Variants in TCERG1L observed in about 807,000 individuals in gnomAD.
TCERG1L encodes the protein transcription elongation regulator 1-like protein.
TCERG1L carries 37 observed loss-of-function variants against 56.3 expected under a neutral mutation model. The observed-to-expected ratio is 0.66, with a 90% CI of 0.51 to 0.87. The LOEUF (loss-of-function observed/expected upper bound fraction) is 0.87. TCERG1L is among the 40% of genes least tolerant of loss of function. The pLI is 0.00. For synonymous variants in TCERG1L, 324 were observed against 326.3 expected, an observed-to-expected ratio of 0.99 and a Z score of 0.08; for missense variants, 799 against 774.2, an observed-to-expected ratio of 1.03 and a Z score of -0.38.
At chr10:131,310,794 T>G (rs1252490540) in intron 1 of TCERG1L, among the ~76,000 whole-genome samples, 9 of 152,220 alleles carry the variant, frequency 5.9e-5, no homozygotes. Flanking sequence ...GGAATTCTCT[T>G]AAGCATTGCC....
intron 8 of TCERG1L, among the ~76,000 whole-genome samples, chr10:131,134,059 C>T (rs1845648263): frequency 6.6e-6 from 1 of 152,216 alleles, no homozygotes. Context: ...CAGCACATGG[C>T]ACCTCCTATG....
chr10:131,265,063 C>A (rs886177931), intron 3 of TCERG1L, among the ~76,000 whole-genome samples: 1 of 152,092 alleles, frequency 6.6e-6, no homozygotes, highest in Non-Finnish European at 1.5e-5. Flanking sequence ...GAGAAGCCAC[C>A]GAGTCCATTT....
At chr10:131,119,632 A>G (rs1845494125) in intron 8 of TCERG1L, among the ~76,000 whole-genome samples, 1 of 152,230 alleles carries the variant, frequency 6.6e-6, no homozygotes, top group Non-Finnish European at 1.5e-5. Flanking sequence ...ACGCCTTCCA[A>G]ATGGCTATCC....
At chr10:131,148,673 A>AGGCTGGAGAAAAGAATCACG (rs1845829690) in intron 6 of TCERG1L, among the ~76,000 whole-genome samples, 1 of 151,792 alleles carries the variant, frequency 6.6e-6, no homozygotes, top group Non-Finnish European at 1.5e-5. Context: ...CCTGGCCTTG[A>AGGCTGGAGAAAAGAATCACG]GGCTGGAGAA....
intron 9 of TCERG1L, among the ~76,000 whole-genome samples, chr10:131,116,479 A>T (rs970848942): frequency 6.6e-6 from 1 of 152,088 alleles, no homozygotes; most frequent in Non-Finnish European, 1.5e-5. Context: ...GAAACCACAA[A>T]GGCACCTTTC....
At position 131,103,168 on chromosome 10, in the gene TCERG1L, G is replaced by A. The variant is rs1357372096; in HGVS notation, c.1485+1097C>T. On this transcript the variant is annotated intron_variant, in intron 10 of 11. Transcript: ENST00000368642. This position sits in a 1 kb window ranked among gnomAD's most constrained non-coding sequence, Gnocchi z 4.3. ...TCTGAAATGAAATGGATGCTTATTT[G>A]GGAAGAGAGCATTGCAATGGGAATA... Among the ~76,000 whole-genome samples, 1 of 151,832 alleles carries A rather than the reference G, an allele frequency of 6.6e-6. No individual in the cohort carries two copies. Among genetic ancestry groups the A allele is most frequent in the Admixed American group, 6.6e-5 (1 of 15,242 alleles).
intron 10 of TCERG1L, among the ~76,000 whole-genome samples, chr10:131,102,056 G>T (rs554925929): frequency 3.9e-5 from 6 of 152,262 alleles, no homozygotes; most frequent in South Asian, 2.1e-4. Flanking sequence ...AATATGACCA[G>T]TTATTAATGT....
rs568560412 is a variant in TCERG1L at position 131,092,943 on chromosome 10, G to C, written c.*219C>G. ...TAATTAAAACAATTAAGGGATCGAC[G>C]TATCACGGTGATTAGAAATGCATCA... On this transcript the variant is annotated 3_prime_UTR_variant, in exon 12 of 12. Transcript: ENST00000368642. 1 of 500,746 alleles carries C rather than the reference G, an allele frequency of 2.0e-6. No homozygotes were observed. Among genetic ancestry groups the C allele is most frequent in the South Asian group, 3.3e-5 (1 of 30,292 alleles). 31.0% of individuals were successfully genotyped at this position (500,746 alleles called of 1,614,324 possible).
intron 4 of TCERG1L, among the ~76,000 whole-genome samples, chr10:131,255,003 C>T (rs1846152721): frequency 6.6e-6 from 1 of 152,000 alleles, no homozygotes; most frequent in South Asian, 2.1e-4. Context: ...GGGCTGGAGA[C>T]GGCCTCATTC....
intron 8 of TCERG1L, among the ~76,000 whole-genome samples, chr10:131,132,064 AGCAGGAGGCGT>A (rs1207856719): frequency 2.6e-5 from 4 of 152,196 alleles, no homozygotes; most frequent in African/African-American, 4.8e-5. Context: ...ATTCGCTCTG[AGCAGGAGGCGT>A]GCAGGTTGGT....
At chr10:131,236,006 A>G (rs1845908314) in intron 4 of TCERG1L, among the ~76,000 whole-genome samples, 1 of 152,244 alleles carries the variant, frequency 6.6e-6, no homozygotes, top group South Asian at 2.1e-4. Context: ...CCGCTACATG[A>G]GCAAATGCAT....
intron 4 of TCERG1L, among the ~76,000 whole-genome samples, chr10:131,206,498 A>G (rs1472469231): frequency 6.6e-6 from 1 of 152,204 alleles, no homozygotes; most frequent in African/African-American, 2.4e-5. Context: ...CGTTTTATCC[A>G]TGGAACAAGC....
At chr10:131,191,176 G>A (rs1468832214) in intron 4 of TCERG1L, among the ~76,000 whole-genome samples, 1 of 143,968 alleles carries the variant, frequency 6.9e-6, no homozygotes, top group Non-Finnish European at 1.5e-5. Context: ...CTTCATCCAG[G>A]AGGTGAAAAA....
chr10:131,147,402 G>C (rs964753571), intron 6 of TCERG1L, among the ~76,000 whole-genome samples: 1 of 152,238 alleles, frequency 6.6e-6, no homozygotes, highest in Non-Finnish European at 1.5e-5. Flanking sequence ...GGGAGCCTGC[G>C]GCATGGAGGT....
At position 131,139,823 on chromosome 10, in the gene TCERG1L, T is replaced by C. The variant is rs117276624; in HGVS notation, c.1190-5375A>G. The stretch of plus-strand genomic sequence containing the variant: ...CTGTGTGCGTATATGTGTGTGTATG[T>C]GTATGCATCTGTGTGTGTCTCTGTG... On this transcript the variant is annotated intron_variant, in intron 7 of 11. Transcript: ENST00000368642. 3.3e-5 allele frequency among the ~76,000 whole-genome samples: 5 copies of C among 152,060 alleles called. No homozygotes were observed. In the East Asian group the frequency reaches 9.7e-4, roughly 29 times the overall value.
intron 4 of TCERG1L, among the ~76,000 whole-genome samples, chr10:131,178,292 A>T (rs1845130482): frequency 1.3e-5 from 2 of 152,208 alleles, no homozygotes; most frequent in Non-Finnish European, 2.9e-5. Flanking sequence ...GGAAACAAGG[A>T]AGCCGACTAG....
At chr10:131,129,854 C>T (rs1346129360) in intron 8 of TCERG1L, among the ~76,000 whole-genome samples, 3 of 152,056 alleles carry the variant, frequency 2.0e-5, no homozygotes, top group Admixed American at 6.5e-5. Flanking sequence ...TCAATCTTGG[C>T]GGAAGTTGAA....
At chr10:131,259,852 T>G (rs973535907) in intron 4 of TCERG1L, among the ~76,000 whole-genome samples, 1 of 152,214 alleles carries the variant, frequency 6.6e-6, no homozygotes, top group East Asian at 1.9e-4. Flanking sequence ...AGCACACGGC[T>G]TGGCTCTGCG....
intron 4 of TCERG1L, among the ~76,000 whole-genome samples, chr10:131,207,469 A>G (rs559402700): frequency 6.6e-6 from 1 of 152,308 alleles, no homozygotes; most frequent in African/African-American, 2.4e-5. Flanking sequence ...ATGAAGACAG[A>G]TGTTCCCTTG....
Sources: allele counts gnomAD v4.1 joint callset (sites outside exome capture counted in the v4.1 genomes callset), GRCh38; gene constraint gnomAD v4.1.1; non-coding constraint Gnocchi (gnomAD v3.1); transcripts MANE v1.5; gene names NCBI Gene and HGNC (gene_info 2026-07-23, HGNC 2026-07-21).